The following CADM1 variants were observed in gnomAD, a reference collection of about 807,000 sequenced individuals.
The protein encoded by CADM1 is cell adhesion molecule 1, also known as TSLC-1.
A neutral mutation model predicts 53.1 loss-of-function variants in CADM1; 15 were observed. The observed-to-expected ratio is 0.28, with a 90% CI of 0.19 to 0.44. The LOEUF (loss-of-function observed/expected upper bound fraction) is 0.44. Ranked by LOEUF, CADM1 falls within the 20% of genes least tolerant of loss-of-function variation. CADM1 has a pLI of 1.00. For synonymous variants in CADM1, 281 were observed against 243.0 expected (o/e 1.16, Z -1.45); for missense variants, 434 against 611.3 (o/e 0.71, Z 3.06).
chr11:115,481,960 G>C (rs937288127), intron 1 of CADM1, among the ~76,000 whole-genome samples: 3 of 152,040 alleles, frequency 2.0e-5, no homozygotes, highest in Admixed American at 2.0e-4. Flanking sequence ...ATAAAACCCA[G>C]ACTTCTCTTT....
chr11:115,249,739 T>TA (rs1321664159), intron 1 of CADM1, among the ~76,000 whole-genome samples: 5 of 152,136 alleles, frequency 3.3e-5, no homozygotes, highest in African/African-American at 7.2e-5. Context: ...TCTTACTCTG[T>TA]AAAAAATATA....
chr11:115,283,250 C>T (rs1478546493), intron 1 of CADM1, among the ~76,000 whole-genome samples: 1 of 152,148 alleles, frequency 6.6e-6, no homozygotes, highest in Non-Finnish European at 1.5e-5. Context: ...GATGGTAGAT[C>T]TGTGCCTGGA....
intron 1 of CADM1, among the ~76,000 whole-genome samples, chr11:115,285,137 T>G (rs539863582): frequency 6.6e-6 from 1 of 152,334 alleles, no homozygotes; most frequent in South Asian, 2.1e-4. Flanking sequence ...AGAAACCAAA[T>G]TGCCAACCCC....
chr11:115,216,173 G>T (rs1379501067), intron 6 of CADM1, among the ~76,000 whole-genome samples: 1 of 152,172 alleles, frequency 6.6e-6, no homozygotes, highest in Admixed American at 6.5e-5. Context: ...TTTATTGTAT[G>T]CAATTTCTTG....
intron 1 of CADM1, among the ~76,000 whole-genome samples, chr11:115,476,260 A>G (rs548806606): frequency 3.5e-4 from 53 of 152,310 alleles, no homozygotes; most frequent in African/African-American, 1.2e-3. Flanking sequence ...CTAATTTTAT[A>G]ATATAAAAAC....
At chr11:115,356,425 G>A (rs975595370) in intron 1 of CADM1, among the ~76,000 whole-genome samples, 9 of 152,010 alleles carry the variant, frequency 5.9e-5, no homozygotes, top group African/African-American at 2.2e-4. Context: ...CTGCAGTAAA[G>A]CAGATGTCAC....
chr11:115,443,125 C>G (rs984962786), intron 1 of CADM1, among the ~76,000 whole-genome samples: 2 of 152,106 alleles, frequency 1.3e-5, no homozygotes, highest in Admixed American at 6.5e-5. Flanking sequence ...TACAAATATT[C>G]TTGGGCTGGG....
intron 1 of CADM1, chr11:115,445,619 G>C (rs993625724): frequency 6.7e-6 from 2 of 297,672 alleles, no homozygotes; most frequent in African/African-American, 4.6e-5. Context: ...TGAGGCGAAT[G>C]GATTACCTGA....
chr11:115,323,077 C>T (rs923619402), intron 1 of CADM1, among the ~76,000 whole-genome samples: 4 of 152,226 alleles, frequency 2.6e-5, no homozygotes, highest in African/African-American at 9.6e-5. Context: ...TCCAGTTTCT[C>T]CATATCCTTG....
intron 1 of CADM1, among the ~76,000 whole-genome samples, chr11:115,475,887 CA>C (rs749842575): frequency 6.6e-6 from 1 of 152,110 alleles, no homozygotes; most frequent in Non-Finnish European, 1.5e-5. Flanking sequence ...CAATTCTATG[CA>C]TGTGTCAAAA....
chr11:115,277,021 C>T (rs1490763010), intron 1 of CADM1, among the ~76,000 whole-genome samples: 1 of 152,128 alleles, frequency 6.6e-6, no homozygotes, highest in Non-Finnish European at 1.5e-5. Context: ...ATTGCGAGCC[C>T]GAGGGCAAAA....
chr11:115,403,249 G>T lies in CADM1; in HGVS notation c.124+101022C>A, dbSNP rs138168035. On this transcript the variant is annotated intron_variant, in intron 1 of 11. Coordinates refer to ENST00000331581, the MANE Select transcript of CADM1 (RefSeq NM_001301043.2). ...TGAGGGACATTCTTCAAAATATCTG[G>T]CCAGTACTCTTCAAAACTATCAAGG... Among the ~76,000 whole-genome samples, 222 of 151,350 alleles carry T rather than the reference G, an allele frequency of 1.5e-3. 1 individual carries two copies. Among genetic ancestry groups the T allele is most frequent in the Non-Finnish European group, 2.2e-3 (147 of 67,948 alleles).
intron 1 of CADM1, among the ~76,000 whole-genome samples, chr11:115,445,469 T>G (rs1056897886): frequency 6.6e-6 from 1 of 151,990 alleles, no homozygotes; most frequent in African/African-American, 2.4e-5. Flanking sequence ...CATAATAATG[T>G]TATACTATCA....
intron 10 of CADM1, among the ~76,000 whole-genome samples, chr11:115,181,753 T>C (rs1939321810): frequency 6.6e-6 from 1 of 152,136 alleles, no homozygotes; most frequent in Non-Finnish European, 1.5e-5. Context: ...GTTCTTTTAT[T>C]TCCACGTGTG....
intron 1 of CADM1, among the ~76,000 whole-genome samples, chr11:115,475,106 G>A (rs887807655): frequency 7.9e-5 from 12 of 152,026 alleles, no homozygotes; most frequent in Admixed American, 7.2e-4. Flanking sequence ...TCAGATGCTC[G>A]AGTCGCTTAT....
intron 1 of CADM1, among the ~76,000 whole-genome samples, chr11:115,325,156 C>T (rs1441388889): frequency 6.6e-6 from 1 of 152,144 alleles, no homozygotes; most frequent in Non-Finnish European, 1.5e-5. Flanking sequence ...TATTTAAAAC[C>T]ATCAACCAGA....
chr11:115,187,368 C>T (rs1001706184), intron 10 of CADM1, among the ~76,000 whole-genome samples: 10 of 152,142 alleles, frequency 6.6e-5, no homozygotes, highest in African/African-American at 1.4e-4. Context: ...TCCCCACCTC[C>T]GGGACTGATA....
chr11:115,482,516 T>A (rs1949280551), intron 1 of CADM1, among the ~76,000 whole-genome samples: 1 of 152,212 alleles, frequency 6.6e-6, no homozygotes, highest in Non-Finnish European at 1.5e-5. Flanking sequence ...TAATTTTAAC[T>A]CTTAAACAGT....
chr11:115,198,486 C>T (rs1307080925), intron 8 of CADM1, 48 bp from the exon 9 acceptor site: 8 of 1,525,874 alleles, frequency 5.2e-6, no homozygotes, highest in African/African-American at 2.7e-5. Flanking sequence ...ACAGGAGGAA[C>T]GGCATGCAAA....
Sources: allele counts gnomAD v4.1 joint callset (sites outside exome capture counted in the v4.1 genomes callset), GRCh38; gene constraint gnomAD v4.1.1; transcripts MANE v1.5; gene names NCBI Gene and HGNC (gene_info 2026-07-23, HGNC 2026-07-21).